The following NTSR1 variants were observed in gnomAD, a reference collection of about 807,000 sequenced individuals.
The protein encoded by NTSR1 is neurotensin receptor type 1.
In NTSR1, 29 loss-of-function variants were observed where a neutral mutation model predicts 31.2. That is an observed-to-expected ratio of 0.93 (90% CI 0.69 to 1.27). NTSR1 has a LOEUF of 1.27. NTSR1 is among the 50% of genes most tolerant of loss of function. NTSR1 has a pLI of 0.00. For missense variants in NTSR1, 697 were observed against 595.4 expected, an observed-to-expected ratio of 1.17 and a Z score of -1.78; for synonymous variants, 282 against 269.9, an observed-to-expected ratio of 1.04 and a Z score of -0.44.
At chr20:62,717,601 G>A (rs1431454844) in intron 1 of NTSR1, among the ~76,000 whole-genome samples, 1 of 152,180 alleles carries the variant, frequency 6.6e-6, no homozygotes, top group Non-Finnish European at 1.5e-5. Context: ...GTGGAAGAAG[G>A]ACTCAATCGC....
At position 62,709,403 on chromosome 20, in the gene NTSR1, G is replaced by A. The variant is rs923904303; in HGVS notation, c.196G>A (p.Val66Met). The stretch of plus-strand genomic sequence containing the variant: ...CACCGACATCTACTCCAAGGTGCTG[G>A]TGACCGCCGTGTACCTGGCGCTCTT... ...VNTDIYSKVLVTAVYLALFVV... is the reference protein window; with the variant it reads ...VNTDIYSKVLMTAVYLALFVV... The change falls in exon 1 of 4, where the codon GTG becomes ATG. Residue 66 changes from valine (V) to methionine (M), a missense_variant. Val to Met is a conservative substitution (Grantham distance 21). Transcript: ENST00000370501. The A allele has an allele frequency of 6.8e-6, 11 of 1,609,504 alleles. No individual in the cohort carries two copies. The highest frequency in any genetic ancestry group is 1.7e-5 in the Admixed American group (1 of 59,908).
chr20:62,751,460 G>T (rs931617825), intron 1 of NTSR1, among the ~76,000 whole-genome samples: 1 of 152,234 alleles, frequency 6.6e-6, no homozygotes, highest in African/African-American at 2.4e-5. Context: ...AGCTGCAGGC[G>T]CAGCTTGACC....
rs1231987192 is a variant in NTSR1, at chr20:62,714,215, G to C, written c.714+4294G>C. On this transcript the variant is annotated intron_variant, in intron 1 of 3. Coordinates refer to ENST00000370501, the MANE Select transcript of NTSR1 (RefSeq NM_002531.3). This position sits in a 1 kb window ranked among gnomAD's most constrained non-coding sequence, Gnocchi z 4.1. ...CGCAGCTGTGGGCAGCTCTGGCTCT[G>C]GCCGTAGCGGCCACAGTGTCCTCAC... Among the ~76,000 whole-genome samples the C allele has an allele frequency of 6.6e-6, 1 of 152,252 alleles. No individual in the cohort carries two copies. The highest frequency in any genetic ancestry group is 2.4e-5 in the African/African-American group (1 of 41,468).
intron 1 of NTSR1, among the ~76,000 whole-genome samples, chr20:62,750,375 G>A (rs1277591882): frequency 6.6e-6 from 1 of 152,144 alleles, no homozygotes; most frequent in Non-Finnish European, 1.5e-5. Context: ...TTTGAGGTAT[G>A]GTGTGAGGAC....
intron 1 of NTSR1, among the ~76,000 whole-genome samples, chr20:62,724,412 G>C (rs1252181046): frequency 7.0e-6 from 1 of 142,046 alleles, no homozygotes; most frequent in Non-Finnish European, 1.5e-5. Flanking sequence ...ACTAGAAGCG[G>C]GTAATTGCAG....
chr20:62,710,169 C>G (rs191133900), intron 1 of NTSR1, among the ~76,000 whole-genome samples: 1 of 152,228 alleles, frequency 6.6e-6, no homozygotes, highest in Non-Finnish European at 1.5e-5. Context: ...GGCTGGGCCT[C>G]GGACATCTCT....
At chr20:62,710,460 G>A (rs915743379) in intron 1 of NTSR1, among the ~76,000 whole-genome samples, 26 of 152,192 alleles carry the variant, frequency 1.7e-4, no homozygotes, top group African/African-American at 5.3e-4. Context: ...ACCTCAGAAG[G>A]TAGAGCATTG....
chr20:62,724,143 C>T (rs908874103), intron 1 of NTSR1, among the ~76,000 whole-genome samples: 3 of 152,200 alleles, frequency 2.0e-5, no homozygotes, highest in Admixed American at 6.5e-5. Flanking sequence ...GCCAAAGTGG[C>T]CCAAACTCTC....
intron 1 of NTSR1, among the ~76,000 whole-genome samples, chr20:62,736,818 C>CCCG (rs1290118372): frequency 1.6e-4 from 25 of 152,226 alleles, no homozygotes; most frequent in Admixed American, 1.2e-3. Flanking sequence ...CCCATAATGC[C>CCCG]CCGTGTCAAG....
rs1447864424 is a variant in NTSR1 at position 62,761,009 on chromosome 20, C to T, written c.*742C>T. 6.6e-6 allele frequency: 1 copy of T among 152,468 alleles called. No individual in the cohort carries two copies. The highest frequency in any genetic ancestry group is 2.4e-5 in the African/African-American group (1 of 41,472). The allele number at this position is 152,468 out of a possible 1,614,324, so 9.4% of individuals were successfully genotyped here. On this transcript the variant is annotated 3_prime_UTR_variant, in exon 4 of 4. Coordinates refer to ENST00000370501, the MANE Select transcript of NTSR1 (RefSeq NM_002531.3). ...TCCCATCCTCACCCAGGCCAAGGCC[C>T]AGGGGCTCTGCCAGGACACCACATG...
At chr20:62,751,450 A>G (rs989220166) in intron 1 of NTSR1, among the ~76,000 whole-genome samples, 2 of 152,248 alleles carry the variant, frequency 1.3e-5, no homozygotes. Flanking sequence ...CAAGAATAAT[A>G]GCTGCAGGCG....
chr20:62,709,539 C>G lies in NTSR1; in HGVS notation c.332C>G (p.Ser111Cys), dbSNP rs370549384. 3 of 1,612,220 alleles carry G rather than the reference C, an allele frequency of 1.9e-6. No individual in the cohort carries two copies. In the South Asian group the frequency reaches 3.3e-5, roughly 18 times the overall value. Residue 111 changes from serine to cysteine, a missense_variant, in exon 1 of 4, where the codon TCC becomes TGC. Coordinates refer to ENST00000370501, the MANE Select transcript of NTSR1 (RefSeq NM_002531.3). The part of the protein sequence containing the change: ...VHYHLGSLAL[S>C]DLLTLLLAMP... ...TACCACCTGGGCAGCCTGGCGCTGTCCGACCTGCTCACCCTGCTGCTGGCC... is the reference window on the plus strand; with the variant it reads ...TACCACCTGGGCAGCCTGGCGCTGTGCGACCTGCTCACCCTGCTGCTGGCC...
At chr20:62,731,421 A>AT (rs1266363055) in intron 1 of NTSR1, among the ~76,000 whole-genome samples, 1 of 151,830 alleles carries the variant, frequency 6.6e-6, no homozygotes, top group Admixed American at 6.6e-5. Flanking sequence ...CAGCTTATTC[A>AT]TTTTTTTTGT....
In NTSR1 at chr20:62,719,287, T is replaced by A. The variant is rs554224631; in HGVS notation, c.714+9366T>A. ...TTTTCTGTCTCATCATGTGGCAAGA[T>A]CATGTGGATTTTCTCCATTAGTCAG... On this transcript the variant is annotated intron_variant, in intron 1 of 3. Transcript: ENST00000370501. Among the ~76,000 whole-genome samples, 13 of 152,308 alleles carry A rather than the reference T, an allele frequency of 8.5e-5. No homozygotes were observed. In the South Asian group the frequency reaches 2.7e-3, roughly 32 times the overall value.
chr20:62,709,011 A>G lies in NTSR1; in HGVS notation c.-197A>G, dbSNP rs976365484. On this transcript the variant is annotated 5_prime_UTR_variant, in exon 1 of 4. Transcript: ENST00000370501. ...GCCGGAAGCTGGGAGTCCGGAGGAG[A>G]GCGGAGCCCGGAGCCCGGAGCCCGG... 2 of 458,770 alleles carry G rather than the reference A, an allele frequency of 4.4e-6. No individual in the cohort carries two copies. Among genetic ancestry groups the G allele is most frequent in the Non-Finnish European group, 7.5e-6 (2 of 265,948 alleles). The allele number at this position is 458,770 out of a possible 1,614,324, so 28.4% of individuals were successfully genotyped here.
chr20:62,749,829 C>T (rs1178746374), intron 1 of NTSR1, among the ~76,000 whole-genome samples: 1 of 152,086 alleles, frequency 6.6e-6, no homozygotes, highest in Non-Finnish European at 1.5e-5. Context: ...AAAGGGGGCC[C>T]CGGTGCACTG....
chr20:62,732,686 C>G lies in NTSR1; in HGVS notation c.715-21999C>G, dbSNP rs1435290288. ...TCTGCGTTTTCCTTTCTTGTAACAT[C>G]CTCGGTTTTGTTATTGGGGTAATGC... On this transcript the variant is annotated intron_variant, in intron 1 of 3. Coordinates refer to ENST00000370501, the MANE Select transcript of NTSR1 (RefSeq NM_002531.3). This position sits in a 1 kb window ranked among gnomAD's most constrained non-coding sequence, Gnocchi z 4.0. 1 of 152,156 alleles carries G rather than the reference C, an allele frequency of 6.6e-6. No homozygotes were observed. Among genetic ancestry groups the G allele is most frequent in the African/African-American group, 2.4e-5 (1 of 41,414 alleles). The allele number at this position is 152,156 out of a possible 1,614,324, so 9.4% of individuals were successfully genotyped here.
chr20:62,749,108 TCAAA>T (rs1989349578), intron 1 of NTSR1, among the ~76,000 whole-genome samples: 1 of 152,124 alleles, frequency 6.6e-6, no homozygotes, highest in South Asian at 2.1e-4. Context: ...AGCAGTCTCC[TCAAA>T]CAGTGATGGG....
intron 1 of NTSR1, among the ~76,000 whole-genome samples, chr20:62,724,854 C>A (rs997470017): frequency 1.3e-5 from 2 of 152,228 alleles, no homozygotes; most frequent in Non-Finnish European, 2.9e-5. Context: ...CGAATCGCTC[C>A]TTTCTCTGCT....
Sources: gnomAD v4.1 joint callset for allele counts (sites outside exome capture counted in the v4.1 genomes callset) on GRCh38, gnomAD v4.1.1 for gene constraint, Gnocchi (gnomAD v3.1) non-coding constraint, MANE v1.5 for transcripts, NCBI Gene and HGNC (gene_info 2026-07-23, HGNC 2026-07-21) for gene names.